The following RIDA variants were observed in gnomAD, a reference collection of about 807,000 sequenced individuals.
RIDA encodes reactive intermediate imine deaminase A.
A neutral mutation model predicts 17.8 loss-of-function variants in RIDA; 17 were observed. That is an observed-to-expected ratio of 0.96 (90% CI 0.65 to 1.43). RIDA has a LOEUF of 1.43. RIDA is among the 40% of genes most tolerant of loss of function. The pLI is 0.00. For missense variants in RIDA, 158 were observed against 161.7 expected (o/e 0.98, Z 0.12); for synonymous variants, 48 against 55.7 (o/e 0.86, Z 0.62).
In RIDA at chr8:98,117,148, G is replaced by A; in HGVS notation, c.-52C>T. ...TTCAGGAGAAGAAGCCCCAGCACCA[G>A]CCCTGCTGGCTTCTTACTGGACTGA... On this transcript the variant is annotated 5_prime_UTR_variant, in exon 1 of 6. Coordinates refer to ENST00000254878, the MANE Select transcript of RIDA (RefSeq NM_005836.3). 3 of 1,541,674 alleles carry A rather than the reference G, an allele frequency of 1.9e-6. No individual in the cohort carries two copies. Among genetic ancestry groups the A allele is most frequent in the African/African-American group, 1.4e-5 (1 of 73,724 alleles).
At chr8:98,107,246 C>A (rs535762106) in intron 2 of RIDA, among the ~76,000 whole-genome samples, 2 of 152,216 alleles carry the variant, frequency 1.3e-5, no homozygotes, top group Non-Finnish European at 2.9e-5. Context: ...TCAGCTAGGC[C>A]GGGTGTGGAG....
chr8:98,105,554 A>G (rs909244047), intron 4 of RIDA, among the ~76,000 whole-genome samples: 1 of 152,230 alleles, frequency 6.6e-6, no homozygotes, highest in Non-Finnish European at 1.5e-5. Context: ...AGGCATAGAA[A>G]TATTAAGTAA....
chr8:98,111,881 G>T (rs949894730), intron 1 of RIDA, among the ~76,000 whole-genome samples: 1 of 151,584 alleles, frequency 6.6e-6, no homozygotes, highest in Non-Finnish European at 1.5e-5. Flanking sequence ...TTCCATTCTT[G>T]TTCCCTATTT....
In RIDA at chr8:98,117,025, A is replaced by G. The variant is rs766277149; in HGVS notation, c.65+7T>C. 1.9e-6 allele frequency: 3 copies of G among 1,612,574 alleles called. No individual in the cohort carries two copies. The highest frequency in any genetic ancestry group is 2.7e-5 in the African/African-American group (2 of 75,020). ...GGGTCCGACACAGCTTCCACCAGCC[A>G]CGTTACCTGTAGGGTCCAATGGCCC... On this transcript the variant is annotated splice_region_variant and intron_variant, in intron 1 of 5. Transcript: ENST00000254878.
chr8:98,112,807 C>T (rs1239677000), intron 1 of RIDA, among the ~76,000 whole-genome samples: 1 of 152,164 alleles, frequency 6.6e-6, no homozygotes, highest in East Asian at 1.9e-4. Context: ...ATCTGAAACA[C>T]ACTTTAAGAC....
intron 1 of RIDA, among the ~76,000 whole-genome samples, chr8:98,113,462 C>G (rs1026023216): frequency 1.3e-5 from 2 of 152,154 alleles, no homozygotes; most frequent in Non-Finnish European, 1.5e-5. Context: ...TAAACATTAA[C>G]TATTGAAAAT....
intron 3 of RIDA, 131 bp from the exon 4 acceptor site, chr8:98,106,137 T>C (rs1292098665): frequency 4.8e-6 from 5 of 1,050,234 alleles, no homozygotes; most frequent in Non-Finnish European, 7.3e-6. Flanking sequence ...AGAAGTGAAG[T>C]AGAACAGTTG....
At chr8:98,114,245 T>C (rs573623940) in intron 1 of RIDA, among the ~76,000 whole-genome samples, 12 of 152,134 alleles carry the variant, frequency 7.9e-5, no homozygotes, top group Non-Finnish European at 1.3e-4. Flanking sequence ...CCACATTTAA[T>C]TGTTCCTTAT....
At chr8:98,111,918 T>C (rs1203264755) in intron 1 of RIDA, among the ~76,000 whole-genome samples, 1 of 152,160 alleles carries the variant, frequency 6.6e-6, no homozygotes, top group African/African-American at 2.4e-5. Flanking sequence ...AGAACCATTG[T>C]TCTTCTTTAT....
At chr8:98,112,063 CT>C (rs1292549356) in intron 1 of RIDA, among the ~76,000 whole-genome samples, 1 of 151,986 alleles carries the variant, frequency 6.6e-6, no homozygotes, top group Non-Finnish European at 1.5e-5. Flanking sequence ...TCATGAAGAT[CT>C]TTCCATAAGT....
chr8:98,107,844 A>G (rs762630466), intron 2 of RIDA, among the ~76,000 whole-genome samples: 4 of 150,670 alleles, frequency 2.7e-5, no homozygotes, highest in Non-Finnish European at 5.9e-5. Flanking sequence ...ATCTCAGCTC[A>G]CTGCAACCTC....
rs200309416 is a variant in RIDA, at chr8:98,116,998, C to T, written c.65+34G>A. On this transcript the variant is annotated intron_variant, in intron 1 of 5. Coordinates refer to ENST00000254878, the MANE Select transcript of RIDA (RefSeq NM_005836.3). ...CCCCGAATCCCCGAACCCGCACGCC[C>T]TGGGTCCGACACAGCTTCCACCAGC... 1.4e-4 allele frequency: 218 copies of T among 1,589,630 alleles called. 1 individual carries two copies. In the East Asian group the frequency reaches 4.5e-3, roughly 33 times the overall value.
At chr8:98,103,654 T>C (rs7008454) in intron 5 of RIDA, among the ~76,000 whole-genome samples, 24,708 of 151,888 alleles carry the variant, frequency 0.16, 2,250 homozygotes, top group African/African-American at 0.25. Flanking sequence ...TTTTTTTTTT[T>C]GTGATGGAGT....
rs1050061337 is a variant in RIDA at position 98,117,081 on chromosome 8, T to C, written c.16A>G (p.Arg6Gly). 4.3e-6 allele frequency: 7 copies of C among 1,614,058 alleles called. No homozygotes were observed. In the African/African-American group the frequency reaches 5.3e-5, roughly 12 times the overall value. MSSLI[R>G]RVISTAKAPG... ...GCTTTCGCGGTGCTGATCACCCTTC[T>C]GATCAAGGACGACATGGCTAAGCCT... The change falls in exon 1 of 6, where the codon AGA (arginine) becomes GGA (glycine). Residue 6 changes from arginine (R) to glycine (G), a missense_variant. Arg to Gly is a moderately radical substitution (Grantham distance 125). Coordinates refer to ENST00000254878, the MANE Select transcript of RIDA (RefSeq NM_005836.3).
At chr8:98,105,237 C>T (rs778901726) in intron 4 of RIDA, among the ~76,000 whole-genome samples, 15 of 149,594 alleles carry the variant, frequency 1.0e-4, no homozygotes, top group Non-Finnish European at 2.1e-4. Context: ...AAATAGGGAA[C>T]AAGTGCCCAT....
intron 2 of RIDA, among the ~76,000 whole-genome samples, chr8:98,107,959 G>A (rs980511801): frequency 3.9e-5 from 6 of 152,068 alleles, no homozygotes; most frequent in African/African-American, 9.7e-5. Flanking sequence ...CAGTAGAGAC[G>A]GGGTTTCACC....
chr8:98,116,944 G>C lies in RIDA; in HGVS notation c.65+88C>G, dbSNP rs572559575. ...CCAGGCTCAATTTCCTTGCGTGTTA[G>C]CTGGGGCTCCGGCCCGGAGTGGCCC... On this transcript the variant is annotated intron_variant, in intron 1 of 5. Coordinates refer to ENST00000254878, the MANE Select transcript of RIDA (RefSeq NM_005836.3). 1.5e-4 allele frequency: 160 copies of C among 1,065,940 alleles called. 2 individuals carry two copies. Among genetic ancestry groups the C allele is most frequent in the Non-Finnish European group, 2.0e-4 (144 of 711,084 alleles). The allele number at this position is 1,065,940 out of a possible 1,614,324, so 66.0% of individuals were successfully genotyped here.
intron 5 of RIDA, among the ~76,000 whole-genome samples, chr8:98,104,068 G>C (rs934060020): frequency 6.7e-6 from 1 of 150,360 alleles, no homozygotes; most frequent in Admixed American, 6.7e-5. Flanking sequence ...GGGGAAGCAG[G>C]GTCTATTTCT....
At chr8:98,107,757 T>A (rs1173463464) in intron 2 of RIDA, among the ~76,000 whole-genome samples, 1 of 107,162 alleles carries the variant, frequency 9.3e-6, no homozygotes, top group Non-Finnish European at 1.9e-5. Flanking sequence ...GCCACCTGAC[T>A]GGGTTACTTT....
Sources: gnomAD v4.1 joint callset for allele counts (sites outside exome capture counted in the v4.1 genomes callset) on GRCh38, gnomAD v4.1.1 for gene constraint, MANE v1.5 for transcripts, NCBI Gene and HGNC (gene_info 2026-07-23, HGNC 2026-07-21) for gene names.